The following TTC7A variants were observed in gnomAD, a reference collection of about 807,000 sequenced individuals.
TTC7A encodes the protein tetratricopeptide repeat protein 7A.
A neutral mutation model predicts 103.7 loss-of-function variants in TTC7A; 110 were observed. The observed-to-expected ratio is 1.06, with a 90% CI of 0.91 to 1.24. The LOEUF (loss-of-function observed/expected upper bound fraction) is 1.24. Among genes scored for constraint, TTC7A ranks in the 50% most tolerant of loss-of-function variants. The probability of loss-of-function intolerance (pLI) is 0.00; values close to 1 mark genes in which losing one functional copy is unlikely to be tolerated. For missense variants in TTC7A, 1,340 were observed against 1,116.3 expected, an observed-to-expected ratio of 1.20 and a Z score of -2.86; for synonymous variants, 521 against 467.9, an observed-to-expected ratio of 1.11 and a Z score of -1.47.
At chr2:47,052,130 C>T (rs907336528) in intron 18 of TTC7A, among the ~76,000 whole-genome samples, 4 of 152,190 alleles carry the variant, frequency 2.6e-5, no homozygotes, top group Non-Finnish European at 5.9e-5. Context: ...TGAGAGGCCA[C>T]ACAGATGGAC....
chr2:47,037,206 C>T (rs1486154263), intron 15 of TTC7A, among the ~76,000 whole-genome samples: 13 of 152,140 alleles, frequency 8.5e-5, no homozygotes, highest in Admixed American at 8.5e-4. Flanking sequence ...GTTGTGTTTC[C>T]CAATGCGTTG....
intron 2 of TTC7A, among the ~76,000 whole-genome samples, chr2:46,921,814 C>T (rs6717185): frequency 0.081 from 12,396 of 152,134 alleles, 907 homozygotes; most frequent in African/African-American, 0.2. Flanking sequence ...CCCTTACATG[C>T]GCAGTTCACA....
rs115406982 is a variant in TTC7A, at chr2:47,062,964, C to T, written c.2355+1993C>T. ...CGGCTTCTGCGTGGGCAGCCCATCC[C>T]GTCTACAGGCTCTGTTCCTGCCAGC... On this transcript the variant is annotated intron_variant, in intron 19 of 19. Transcript: ENST00000319190. 2.2e-3 allele frequency among the ~76,000 whole-genome samples: 333 copies of T among 152,364 alleles called. 1 individual carries two copies. The highest frequency in any genetic ancestry group is 3.7e-3 in the Non-Finnish European group (254 of 68,034).
rs1161003607 is a variant in TTC7A at position 46,934,787 on chromosome 2, CTTTTTTTTTTT to C, written c.83-15554_83-15544del. 1.8e-4 allele frequency among the ~76,000 whole-genome samples: 12 copies of C among 66,906 alleles called. 1 individual carries two copies. The highest frequency in any genetic ancestry group is 0.015 in the Middle Eastern group (1 of 68). 43.9% of individuals were successfully genotyped at this position (66,906 alleles called of 152,430 possible). ...GGAATAAGGTATGAAGACTACTGCT[CTTTTTTTTTTT>C]TTTTTTTTTTTTTTTTTTTTTGAGA... is the stretch of plus-strand genomic sequence containing the variant. On this transcript the variant is annotated intron_variant, in intron 2 of 20. Transcript: ENST00000409245.
rs746226404 is a variant in TTC7A, at chr2:47,005,946, C to A, written c.1090C>A (p.Arg364=). Residue 364 remains arginine (R), a synonymous_variant, in exon 9 of 20, where the codon CGG becomes AGG. Transcript: ENST00000319190. ...SMATRDVVLS[R]VPEQEEDRTV... ...GGCAACTCGAGATGTGGTGCTGAGC[C>A]GGGTGCCGGAGCAGGAGGAGGACCG... is the stretch of plus-strand genomic sequence containing the variant. 1 of 1,614,114 alleles carries A rather than the reference C, an allele frequency of 6.2e-7. No homozygotes were observed.
intron 16 of TTC7A, among the ~76,000 whole-genome samples, chr2:47,049,533 CT>C (rs565118518): frequency 9.2e-5 from 14 of 152,012 alleles, no homozygotes; most frequent in Non-Finnish European, 1.8e-4. Flanking sequence ...CATCCGGGCC[CT>C]TTTTCCATAG....
At chr2:47,067,224 A>G (rs1353437412) in intron 19 of TTC7A, among the ~76,000 whole-genome samples, 1 of 152,246 alleles carries the variant, frequency 6.6e-6, no homozygotes, top group Non-Finnish European at 1.5e-5. Flanking sequence ...TTTTTCTGCT[A>G]TCAAATTGGG....
At chr2:46,942,960 T>G (rs1387160600) in intron 1 of TTC7A, among the ~76,000 whole-genome samples, 1 of 152,054 alleles carries the variant, frequency 6.6e-6, no homozygotes, top group Non-Finnish European at 1.5e-5. Context: ...GGCTGGAGTG[T>G]AATAGTGCGA....
At chr2:47,069,064 C>T (rs1393816680) in intron 19 of TTC7A, among the ~76,000 whole-genome samples, 3 of 152,042 alleles carry the variant, frequency 2.0e-5, no homozygotes, top group South Asian at 2.1e-4. Context: ...TTCTAGAACC[C>T]GGGATCCAGA....
chr2:47,047,922 T>C (rs72808520), intron 16 of TTC7A, among the ~76,000 whole-genome samples: 26,592 of 152,180 alleles, frequency 0.17, 2,616 homozygotes, highest in African/African-American at 0.26. Context: ...CAGGAGGATA[T>C]TGGATCCAGG....
At chr2:46,988,763 C>A (rs908523186) in intron 5 of TTC7A, among the ~76,000 whole-genome samples, 7 of 152,156 alleles carry the variant, frequency 4.6e-5, no homozygotes, top group Non-Finnish European at 1.0e-4. Flanking sequence ...GAAAATGTAA[C>A]CATGCTGGGT....
intron 16 of TTC7A, among the ~76,000 whole-genome samples, chr2:47,048,079 CT>C (rs1359979847): frequency 6.6e-6 from 1 of 152,188 alleles, no homozygotes; most frequent in Non-Finnish European, 1.5e-5. Context: ...TTCCTCTGCT[CT>C]GCCTGGGCCA....
At chr2:46,978,502 G>GGA (rs1363489752) in intron 4 of TTC7A, among the ~76,000 whole-genome samples, 1 of 147,036 alleles carries the variant, frequency 6.8e-6, no homozygotes, top group African/African-American at 2.5e-5. Flanking sequence ...TGAGGTGGGA[G>GGA]GATTGCTTAA....
At chr2:47,034,583 C>T (rs568845647) in intron 15 of TTC7A, among the ~76,000 whole-genome samples, 43 of 152,308 alleles carry the variant, frequency 2.8e-4, no homozygotes, top group African/African-American at 9.4e-4. Flanking sequence ...CAAAGTTCCT[C>T]AGCTCATGAT....
chr2:46,957,774 G>A (rs1197008435), intron 3 of TTC7A, among the ~76,000 whole-genome samples: 2 of 152,196 alleles, frequency 1.3e-5, no homozygotes, highest in South Asian at 4.1e-4. Context: ...CTGGCTGCGG[G>A]AGCCCCTCTG....
chr2:47,013,802 G>A (rs1678326639), intron 11 of TTC7A, among the ~76,000 whole-genome samples: 1 of 152,212 alleles, frequency 6.6e-6, no homozygotes, highest in South Asian at 2.1e-4. Context: ...TAAACATGCA[G>A]ACTTGTCATC....
intron 16 of TTC7A, chr2:47,047,121 T>TG: frequency 1.6e-6 from 1 of 615,974 alleles, no homozygotes. Context: ...GCTTAGCCTA[T>TG]GTGGCCCAAA....
chr2:47,021,801 C>A, intron 11 of TTC7A, 61 bp from the exon 12 acceptor site: 2 of 1,311,252 alleles, frequency 1.5e-6, no homozygotes, highest in Non-Finnish European at 2.2e-6. Context: ...TCCAGGGAGT[C>A]ATTCACTGGT....
At chr2:46,943,735 G>A (rs1179374713) in intron 1 of TTC7A, among the ~76,000 whole-genome samples, 3 of 152,204 alleles carry the variant, frequency 2.0e-5, no homozygotes, top group Non-Finnish European at 4.4e-5. Flanking sequence ...CCTGAAGGGA[G>A]ATTCTTAACA....
Sources: allele counts gnomAD v4.1 joint callset (sites outside exome capture counted in the v4.1 genomes callset), GRCh38; gene constraint gnomAD v4.1.1; transcripts MANE v1.5; gene names NCBI Gene and HGNC (gene_info 2026-07-23, HGNC 2026-07-21).